Variants in SNCAIP observed in about 807,000 individuals in gnomAD.
The protein encoded by SNCAIP is synphilin-1.
SNCAIP carries 43 observed loss-of-function variants against 86.7 expected under a neutral mutation model. The ratio of observed to expected loss-of-function variants is 0.50; its 90% confidence interval spans 0.39 to 0.64. The LOEUF (loss-of-function observed/expected upper bound fraction) is 0.64, where lower values mean the gene tolerates loss of function less well. SNCAIP is among the 30% of genes least tolerant of loss of function. SNCAIP has a pLI of 0.00. For synonymous variants in SNCAIP, 417 were observed against 427.2 expected (o/e 0.98, Z 0.29); for missense variants, 981 against 1,103.1 (o/e 0.89, Z 1.57).
chr5:122,417,413 T>C (rs951266550), intron 3 of SNCAIP, among the ~76,000 whole-genome samples: 1 of 152,166 alleles, frequency 6.6e-6, no homozygotes, highest in Admixed American at 6.5e-5. Context: ...AGCAATCTTA[T>C]AGTCTAACCC....
chr5:122,319,057 C>A (rs1311884781), intron 1 of SNCAIP, among the ~76,000 whole-genome samples: 5 of 150,076 alleles, frequency 3.3e-5, no homozygotes, highest in Non-Finnish European at 5.9e-5. Flanking sequence ...TTCCTCCTGG[C>A]GACTGCCAAG....
chr5:122,344,845 T>A (rs1417450355), intron 1 of SNCAIP, among the ~76,000 whole-genome samples: 1 of 152,206 alleles, frequency 6.6e-6, no homozygotes, highest in African/African-American at 2.4e-5. Flanking sequence ...ACCAGTTACA[T>A]GTATTTAAGT....
intron 3 of SNCAIP, among the ~76,000 whole-genome samples, chr5:122,408,437 A>T (rs1773462549): frequency 1.3e-5 from 2 of 152,090 alleles, no homozygotes; most frequent in South Asian, 4.1e-4. Context: ...AGAATGGAAA[A>T]TGGCAATGTT....
intron 2 of SNCAIP, among the ~76,000 whole-genome samples, chr5:122,395,573 A>C (rs1363786924): frequency 2.0e-5 from 3 of 152,144 alleles, no homozygotes; most frequent in Non-Finnish European, 2.9e-5. Flanking sequence ...TCTGATAGAA[A>C]AATTAATTCT....
Position 122,463,596 on chromosome 5 carries a change from T to C in SNCAIP, c.*100T>C, listed in dbSNP as rs1393562048. ...TGTAAATCACTTTTTAAATTTTCTC[T>C]CACTGATGCCCTTTGGAAATTATTG... On this transcript the variant is annotated 3_prime_UTR_variant, in exon 11 of 11. Coordinates refer to ENST00000261368, the MANE Select transcript of SNCAIP (RefSeq NM_005460.4). 1.5e-6 allele frequency: 2 copies of C among 1,334,104 alleles called. No homozygotes were observed. The highest frequency in any genetic ancestry group is 2.9e-5 in the African/African-American group (2 of 69,140). 82.6% of individuals were successfully genotyped at this position (1,334,104 alleles called of 1,614,324 possible). A position where few individuals can be genotyped will look rare whatever the true frequency, so the allele number is the denominator to read the frequency against.
chr5:122,461,037 T>G (rs1338994501), intron 10 of SNCAIP, among the ~76,000 whole-genome samples: 3 of 152,214 alleles, frequency 2.0e-5, no homozygotes, highest in Non-Finnish European at 4.4e-5. Flanking sequence ...GTCATATATC[T>G]TCCCACCCAA....
intron 1 of SNCAIP, among the ~76,000 whole-genome samples, chr5:122,353,616 A>G (rs543415866): frequency 3.5e-4 from 54 of 152,118 alleles, no homozygotes; most frequent in Non-Finnish European, 6.8e-4. Flanking sequence ...TTCTCATGAT[A>G]GTGAATAAGT....
intron 1 of SNCAIP, among the ~76,000 whole-genome samples, chr5:122,334,581 T>C (rs763138687): frequency 3.1e-4 from 47 of 152,230 alleles, no homozygotes; most frequent in Non-Finnish European, 1.9e-4. Flanking sequence ...GCACAGGTTC[T>C]TGTCAGTGGA....
intron 3 of SNCAIP, among the ~76,000 whole-genome samples, chr5:122,408,472 T>C (rs1205382958): frequency 6.6e-6 from 1 of 152,186 alleles, no homozygotes; most frequent in African/African-American, 2.4e-5. Flanking sequence ...AGTCATCTCC[T>C]TGCACCTTCC....
At chr5:122,381,812 T>G (rs1439751834) in intron 1 of SNCAIP, among the ~76,000 whole-genome samples, 17 of 152,254 alleles carry the variant, frequency 1.1e-4, no homozygotes, top group East Asian at 1.9e-4. Flanking sequence ...GCTTAGTTTG[T>G]CTGGATATGA....
At chr5:122,319,063 C>A (rs558585882) in intron 1 of SNCAIP, among the ~76,000 whole-genome samples, 2 of 150,934 alleles carry the variant, frequency 1.3e-5, no homozygotes, top group Admixed American at 1.3e-4. Flanking sequence ...CTGGCGACTG[C>A]CAAGTGGCCA....
At chr5:122,389,621 T>C (rs868118293) in intron 1 of SNCAIP, 2 of 152,360 alleles carry the variant, frequency 1.3e-5, no homozygotes, top group South Asian at 4.1e-4. Flanking sequence ...CTACAAATAA[T>C]AAAATTTCTG....
chr5:122,334,452 T>C (rs564379072), intron 1 of SNCAIP, among the ~76,000 whole-genome samples: 1 of 152,306 alleles, frequency 6.6e-6, no homozygotes, highest in East Asian at 1.9e-4. Flanking sequence ...TTTCAGAGTT[T>C]AACTTTTCAT....
chr5:122,422,025 A>C (rs1378614285), intron 3 of SNCAIP, among the ~76,000 whole-genome samples: 1 of 118,288 alleles, frequency 8.5e-6, no homozygotes, highest in Non-Finnish European at 1.8e-5. Context: ...AAAAAAAAAA[A>C]AAACCACTCT....
intron 1 of SNCAIP, among the ~76,000 whole-genome samples, chr5:122,335,941 A>G (rs1756354801): frequency 6.6e-6 from 1 of 152,228 alleles, no homozygotes; most frequent in Non-Finnish European, 1.5e-5. Flanking sequence ...CCTGTAAAAG[A>G]ACCTGGCGAT....
At chr5:122,457,568 C>T (rs1785065341) in intron 10 of SNCAIP, among the ~76,000 whole-genome samples, 1 of 152,088 alleles carries the variant, frequency 6.6e-6, no homozygotes, top group Non-Finnish European at 1.5e-5. Flanking sequence ...CCCAAGTGTT[C>T]TGTCTGTGTC....
chr5:122,423,811 T>A, intron 4 of SNCAIP, 72 bp downstream of exon 4: 1 of 1,332,362 alleles, frequency 7.5e-7, no homozygotes, highest in Non-Finnish European at 1.1e-6. Flanking sequence ...CATTCGTTAG[T>A]AACAGAACGA....
At position 122,316,519 on chromosome 5, in the gene SNCAIP, C is replaced by T. The variant is rs114888592; in HGVS notation, c.-47+4235C>T. Among the ~76,000 whole-genome samples, 1,381 of 152,262 alleles carry T rather than the reference C, an allele frequency of 9.1e-3. 9 individuals are homozygous for T. The highest frequency in any genetic ancestry group is 0.014 in the Non-Finnish European group (947 of 68,022). ...CAGATGAACACTTGAAGATTTATTT[C>T]GGCCTAGACGTGGGGAAGCAAGAGG... is the stretch of plus-strand genomic sequence containing the variant. On this transcript the variant is annotated intron_variant, in intron 1 of 10. Transcript: ENST00000261368.
chr5:122,393,632 G>A (rs1421944464), intron 2 of SNCAIP, among the ~76,000 whole-genome samples: 1 of 152,102 alleles, frequency 6.6e-6, no homozygotes, highest in Non-Finnish European at 1.5e-5. Flanking sequence ...AGCATCTAGT[G>A]GGTAGAGACC....
Sources: gnomAD v4.1 joint callset for allele counts (sites outside exome capture counted in the v4.1 genomes callset) on GRCh38, gnomAD v4.1.1 for gene constraint, MANE v1.5 for transcripts, NCBI Gene and HGNC (gene_info 2026-07-23, HGNC 2026-07-21) for gene names.